Variants in ZNF670 observed in about 807,000 individuals in gnomAD.
The protein encoded by ZNF670 is zinc finger protein 670.
ZNF670 carries 7 observed loss-of-function variants against 10.9 expected under a neutral mutation model. The observed-to-expected ratio is 0.64, with a 90% CI of 0.36 to 1.20. The LOEUF is 1.20. Among genes scored for constraint, ZNF670 ranks in the 50% most tolerant of loss-of-function variants. ZNF670 has a pLI of 0.02. For missense variants in ZNF670, 446 were observed against 458.6 expected, an observed-to-expected ratio of 0.97 and a Z score of 0.25; for synonymous variants, 136 against 152.7, an observed-to-expected ratio of 0.89 and a Z score of 0.81.
chr1:247,043,145 G>A (rs993008999), intron 1 of ZNF670: 27 of 891,702 alleles, frequency 3.0e-5, no homozygotes, highest in Middle Eastern at 2.4e-4. Context: ...ACAATGTGAG[G>A]AGATGCTGTA....
intron 1 of ZNF670, among the ~76,000 whole-genome samples, chr1:247,051,782 A>ATTTTT (rs58493948): frequency 2.9e-5 from 4 of 138,216 alleles, no homozygotes; most frequent in Non-Finnish European, 4.7e-5. Context: ...TTCTTTTTTC[A>ATTTTT]TTTTTTTTTT....
chr1:247,047,879 G>C (rs575822414), intron 1 of ZNF670, among the ~76,000 whole-genome samples: 1 of 152,192 alleles, frequency 6.6e-6, no homozygotes, highest in East Asian at 1.9e-4. Flanking sequence ...GCAAGGCCCT[G>C]GGTCCCGGAT....
chr1:247,053,462 T>C (rs1016622422), intron 1 of ZNF670, among the ~76,000 whole-genome samples: 1 of 152,042 alleles, frequency 6.6e-6, no homozygotes, highest in African/African-American at 2.4e-5. Flanking sequence ...TGAAACCCCA[T>C]CTTTACTAAA....
At chr1:247,039,658 G>A in intron 1 of ZNF670, 121 bp from the exon 2 acceptor site, 1 of 1,120,374 alleles carries the variant, frequency 8.9e-7, no homozygotes, top group Non-Finnish European at 1.2e-6. Flanking sequence ...TCCATGACCT[G>A]GTCATCAGAA....
intron 1 of ZNF670, among the ~76,000 whole-genome samples, chr1:247,065,017 C>T (rs1439127746): frequency 6.6e-6 from 1 of 152,084 alleles, no homozygotes; most frequent in African/African-American, 2.4e-5. Context: ...CCATGTTGCC[C>T]AGCTCGTCTT....
rs988974136 is a variant in ZNF670 at position 247,037,753 on chromosome 1, G to T, written c.866C>A (p.Ala289Asp). Residue 289 changes from alanine (A) to aspartate (D), a missense_variant, in exon 4 of 4, where the codon GCC becomes GAC. Coordinates refer to ENST00000366503, the MANE Select transcript of ZNF670 (RefSeq NM_033213.5). ...KPYECIKCGK[A>D]FRCSRVLRVH... ...TCTGAGGACTCTGGAACATCTAAAG[G>T]CTTTGCCACATTTTATACATTCATA... 1.2e-6 allele frequency: 2 copies of T among 1,613,904 alleles called. No homozygotes were observed. The highest frequency in any genetic ancestry group is 1.7e-6 in the Non-Finnish European group (2 of 1,179,920).
chr1:247,055,945 A>C (rs528509895), intron 1 of ZNF670, among the ~76,000 whole-genome samples: 34 of 152,316 alleles, frequency 2.2e-4, no homozygotes, highest in Non-Finnish European at 4.4e-4. Context: ...GTATGTGCTG[A>C]TATCCAATTC....
At chr1:247,074,447 T>C (rs988543037) in intron 1 of ZNF670, among the ~76,000 whole-genome samples, 3 of 152,058 alleles carry the variant, frequency 2.0e-5, no homozygotes, top group Non-Finnish European at 4.4e-5. Context: ...AAAGCCCTTT[T>C]CTGCCTAACC....
At chr1:247,045,763 C>T (rs1366115784) in intron 1 of ZNF670, among the ~76,000 whole-genome samples, 1 of 152,152 alleles carries the variant, frequency 6.6e-6, no homozygotes, top group Non-Finnish European at 1.5e-5. Context: ...AGCTGGAAGA[C>T]TTTCAAGGGC....
rs1670215878 is a variant in ZNF670, at chr1:247,038,290, T to C, written c.329A>G (p.Lys110Arg). 6.2e-7 allele frequency: 1 copy of C among 1,614,072 alleles called. No homozygotes were observed. The highest frequency in any genetic ancestry group is 1.1e-5 in the South Asian group (1 of 91,082). ...VKPCECSVCGKVFICHSALHR... is the reference protein window; with the variant it reads ...VKPCECSVCGRVFICHSALHR... The stretch of plus-strand genomic sequence containing the variant: ...AAGGGCTGAATGACATATGAAGACT[T>C]TTCCACACACACTGCATTCACATGG... The change falls in exon 4 of 4, where the codon AAA becomes AGA. Residue 110 changes from lysine (K) to arginine (R), a missense_variant. Transcript: ENST00000366503.
intron 1 of ZNF670, among the ~76,000 whole-genome samples, chr1:247,045,355 C>T (rs768519169): frequency 6.6e-6 from 1 of 152,164 alleles, no homozygotes; most frequent in African/African-American, 2.4e-5. Flanking sequence ...TAGGGGAAGG[C>T]ATCTGGGTCA....
chr1:247,035,532 GTATGT>G lies in ZNF670; in HGVS notation c.*1912_*1916del, dbSNP rs1316041974. 1.3e-5 allele frequency among the ~76,000 whole-genome samples: 2 copies of G among 152,136 alleles called. No individual in the cohort carries two copies. The highest frequency in any genetic ancestry group is 2.9e-5 in the Non-Finnish European group (2 of 68,026). On this transcript the variant is annotated 3_prime_UTR_variant, in exon 4 of 4. Coordinates refer to ENST00000366503, the MANE Select transcript of ZNF670 (RefSeq NM_033213.5). ...GCTACAGACTGATAAGATCAAAATA[GTATGT>G]TATAATGCCATAATCCTGTAATATA... is the stretch of plus-strand genomic sequence containing the variant.
Position 247,036,318 on chromosome 1 carries a change from A to G in ZNF670, c.*1131T>C, listed in dbSNP as rs1480370147. Among the ~76,000 whole-genome samples, 1 of 152,214 alleles carries G rather than the reference A, an allele frequency of 6.6e-6. No individual in the cohort carries two copies. Among genetic ancestry groups the G allele is most frequent in the East Asian group, 1.9e-4 (1 of 5,198 alleles). ...CTGAATGCTTTCACACGCAGATTAG[A>G]CAAGCATACTGTCCAATCACAGTTC... On this transcript the variant is annotated 3_prime_UTR_variant, in exon 4 of 4. Coordinates refer to ENST00000366503, the MANE Select transcript of ZNF670 (RefSeq NM_033213.5).
At chr1:247,072,811 T>C (rs1327110323) in intron 1 of ZNF670, among the ~76,000 whole-genome samples, 2,942 of 45,580 alleles carry the variant, frequency 0.065, 372 homozygotes, top group African/African-American at 0.27. Flanking sequence ...TGTGTATATA[T>C]ATATATATAT....
rs866450813 is a variant in ZNF670, at chr1:247,037,478, G to A, written c.1141C>T (p.Arg381Ter). The A allele has an allele frequency of 2.6e-5, 42 of 1,611,636 alleles. No individual in the cohort carries two copies. The highest frequency in any genetic ancestry group is 3.5e-5 in the Non-Finnish European group (41 of 1,179,292). Reference sequence around the variant, plus strand: ...CACATATAAGCTCTTTCATGCTTTCGAAGGGAACTGGAACAACTGAAGGCT... The same window carrying A: ...CACATATAAGCTCTTTCATGCTTTCAAAGGGAACTGGAACAACTGAAGGCT... ...GKAFSCSSSL[R>*]KHERAYMW is the part of the protein sequence containing the mutation. The change falls in exon 4 of 4, where the codon CGA becomes TGA. Residue 381 changes from arginine (R) to a stop codon, truncating the protein, a stop_gained. Coordinates refer to ENST00000366503, the MANE Select transcript of ZNF670 (RefSeq NM_033213.5). LOFTEE classifies it low-confidence loss of function (END_TRUNC).
intron 1 of ZNF670, among the ~76,000 whole-genome samples, chr1:247,045,808 C>A (rs551444572): frequency 6.6e-6 from 1 of 152,068 alleles, no homozygotes; most frequent in African/African-American, 2.4e-5. Context: ...AAAATTAGAA[C>A]TTTTTAGAGA....
In ZNF670 at chr1:247,057,915, C is replaced by T. The variant is rs116455004; in HGVS notation, c.4-18378G>A. ...AAATAGTTAGAAAAAATAAACAAGA[C>T]CTTGTATTTTGCTAGCAAAACAGGA... is the stretch of plus-strand genomic sequence containing the variant. On this transcript the variant is annotated intron_variant, in intron 1 of 3. Transcript: ENST00000366503. Among the ~76,000 whole-genome samples, 682 of 152,150 alleles carry T rather than the reference C, an allele frequency of 4.5e-3. 7 individuals are homozygous for T. The highest frequency in any genetic ancestry group is 0.015 in the African/African-American group (625 of 41,518).
chr1:247,051,169 G>A lies in ZNF670; in HGVS notation c.4-11632C>T, dbSNP rs575163414. 1.6e-4 allele frequency among the ~76,000 whole-genome samples: 24 copies of A among 151,750 alleles called. No individual in the cohort carries two copies. The South Asian group carries it at 3.1e-3, about 20-fold the overall frequency. On this transcript the variant is annotated intron_variant, in intron 1 of 3. Transcript: ENST00000366503. ...TAAAAATACAAAAAATTAGCCGGGC[G>A]TGGTGGCAAGCGCCTGTAGTCCCAG...
chr1:247,076,145 C>T (rs1015573977), intron 1 of ZNF670, among the ~76,000 whole-genome samples: 2 of 152,120 alleles, frequency 1.3e-5, no homozygotes, highest in African/African-American at 4.8e-5. Context: ...GGTCAAGAGT[C>T]AGGTCAGGTC....
Sources: gnomAD v4.1 joint callset for allele counts (sites outside exome capture counted in the v4.1 genomes callset) on GRCh38, gnomAD v4.1.1 for gene constraint, MANE v1.5 for transcripts, NCBI Gene and HGNC (gene_info 2026-07-23, HGNC 2026-07-21) for gene names.